The following NSUN7 variants were observed in gnomAD, a reference collection of about 807,000 sequenced individuals.
NSUN7 encodes NOP2/Sun RNA methyltransferase family member 7.
A neutral mutation model predicts 58.5 loss-of-function variants in NSUN7; 39 were observed. The ratio of observed to expected loss-of-function variants is 0.67; its 90% CI spans 0.52 to 0.87. NSUN7 has a LOEUF of 0.87. Among genes scored for constraint, NSUN7 ranks in the 40% least tolerant of loss-of-function variants. NSUN7 has a pLI of 0.00. For synonymous variants in NSUN7, 278 were observed against 303.7 expected, an observed-to-expected ratio of 0.92 and a Z score of 0.88; for missense variants, 765 against 844.1, an observed-to-expected ratio of 0.91 and a Z score of 1.16.
At chr4:40,785,549 T>G (rs1577571007) in intron 7 of NSUN7, among the ~76,000 whole-genome samples, 2 of 151,976 alleles carry the variant, frequency 1.3e-5, no homozygotes, top group South Asian at 2.1e-4. Context: ...TTAGTAGAGA[T>G]AGGGTTTCAC....
At chr4:40,784,730 T>C (rs1742728338) in intron 7 of NSUN7, among the ~76,000 whole-genome samples, 1 of 152,202 alleles carries the variant, frequency 6.6e-6, no homozygotes, top group African/African-American at 2.4e-5. Flanking sequence ...ACTTGGTGAA[T>C]GTACTCAAAA....
intron 10 of NSUN7, among the ~76,000 whole-genome samples, chr4:40,799,638 A>G (rs1743492205): frequency 6.6e-6 from 1 of 152,202 alleles, no homozygotes; most frequent in African/African-American, 2.4e-5. Flanking sequence ...TATTGGTTTG[A>G]GATTTGAGCT....
intron 10 of NSUN7, among the ~76,000 whole-genome samples, chr4:40,806,289 C>G (rs1743806452): frequency 6.6e-6 from 1 of 152,202 alleles, no homozygotes; most frequent in African/African-American, 2.4e-5. Context: ...GCCACGGCAC[C>G]TGGCCAGGAC....
At position 40,773,420 on chromosome 4, in the gene NSUN7, C is replaced by T. The variant is rs111242613; in HGVS notation, c.489-845C>T. Among the ~76,000 whole-genome samples the T allele has an allele frequency of 3.1e-3, 469 of 152,264 alleles. 4 individuals carry two copies. The highest frequency in any genetic ancestry group is 0.011 in the African/African-American group (446 of 41,568). The stretch of plus-strand genomic sequence containing the variant: ...TCTTTCGGCTGGGTGCGGTGGCTTA[C>T]GCCTGTAATCCCAGCACTTTGGGAG... On this transcript the variant is annotated intron_variant, in intron 4 of 11. Coordinates refer to ENST00000381782, the MANE Select transcript of NSUN7 (RefSeq NM_024677.6).
intron 7 of NSUN7, among the ~76,000 whole-genome samples, chr4:40,788,781 A>G (rs1222499930): frequency 6.6e-6 from 1 of 152,024 alleles, no homozygotes; most frequent in Admixed American, 6.6e-5. Flanking sequence ...TGTTGTGTGT[A>G]GGTTTGGGGG....
rs552861884 is a variant in NSUN7 at position 40,762,063 on chromosome 4, C to T, written c.488+762C>T. On this transcript the variant is annotated intron_variant, in intron 4 of 11. Coordinates refer to ENST00000381782, the MANE Select transcript of NSUN7 (RefSeq NM_024677.6). Reference sequence around the variant, plus strand: ...TAGATTAATGCTATTATAAAAAGGGCTTGTGAGATGGGTTTGCTCTCTTGT... The same window carrying T: ...TAGATTAATGCTATTATAAAAAGGGTTTGTGAGATGGGTTTGCTCTCTTGT... Among the ~76,000 whole-genome samples, 3 of 152,218 alleles carry T rather than the reference C, an allele frequency of 2.0e-5. No individual in the cohort carries two copies. The South Asian group carries it at 6.2e-4, about 32-fold the overall frequency.
In NSUN7 at chr4:40,755,128, C is replaced by T. The variant is rs544097763; in HGVS notation, c.298+4137C>T. On this transcript the variant is annotated intron_variant, in intron 2 of 11. Transcript: ENST00000381782. ...ATTTATTGATGGAGTCTTGCTCTGT[C>T]GCCCAGACTGGAGTGCAGTGGCGCG... Among the ~76,000 whole-genome samples the T allele has an allele frequency of 1.1e-4, 17 of 152,274 alleles. No homozygotes were observed. In the South Asian group the frequency reaches 1.2e-3, roughly 11 times the overall value.
intron 7 of NSUN7, among the ~76,000 whole-genome samples, chr4:40,780,234 C>T (rs147133169): frequency 0.016 from 2,386 of 152,126 alleles, 69 homozygotes; most frequent in African/African-American, 0.054. Context: ...GAGCTGAGAT[C>T]GCGCCACTGC....
chr4:40,754,154 T>C (rs1385317902), intron 2 of NSUN7, among the ~76,000 whole-genome samples: 1 of 151,756 alleles, frequency 6.6e-6, no homozygotes, highest in Non-Finnish European at 1.5e-5. Flanking sequence ...TCCTTTTTTT[T>C]TTTTTTTGAG....
chr4:40,800,656 T>A (rs1021404152), intron 10 of NSUN7, among the ~76,000 whole-genome samples: 3 of 152,210 alleles, frequency 2.0e-5, no homozygotes, highest in African/African-American at 7.2e-5. Flanking sequence ...CATTTTTGAA[T>A]AACTATATAT....
chr4:40,806,215 G>A (rs931727137), intron 10 of NSUN7, among the ~76,000 whole-genome samples: 1 of 152,058 alleles, frequency 6.6e-6, no homozygotes, highest in South Asian at 2.1e-4. Flanking sequence ...GGCTGGTCTC[G>A]AACTCCTGGC....
intron 2 of NSUN7, among the ~76,000 whole-genome samples, chr4:40,757,476 G>T (rs911301153): frequency 6.7e-6 from 1 of 149,972 alleles, no homozygotes; most frequent in African/African-American, 2.4e-5. Flanking sequence ...GTAAGGCAAG[G>T]AGCATCTGTA....
At position 40,751,002 on chromosome 4, in the gene NSUN7, C is replaced by T. The variant is rs1295514140; in HGVS notation, c.298+11C>T. The T allele has an allele frequency of 1.9e-6, 3 of 1,610,116 alleles. No individual in the cohort carries two copies. The highest frequency in any genetic ancestry group is 1.7e-5 in the Admixed American group (1 of 59,782). ...TCAGTGCCCTGAAATGTGAGTTGTG[C>T]CAGTCTGGAAGATCAACACTAAAAG... On this transcript the variant is annotated intron_variant, in intron 2 of 11. Coordinates refer to ENST00000381782, the MANE Select transcript of NSUN7 (RefSeq NM_024677.6).
intron 4 of NSUN7, among the ~76,000 whole-genome samples, chr4:40,773,552 G>A (rs1742111272): frequency 1.3e-5 from 2 of 151,756 alleles, no homozygotes; most frequent in East Asian, 2.0e-4. Context: ...GTGTGGTGGT[G>A]CACACCTGTA....
intron 2 of NSUN7, among the ~76,000 whole-genome samples, chr4:40,757,626 T>TAC (rs1183886425): frequency 2.1e-5 from 3 of 146,228 alleles, no homozygotes; most frequent in Non-Finnish European, 4.5e-5. Context: ...TGTATATATA[T>TAC]ATACATTGTG....
intron 7 of NSUN7, among the ~76,000 whole-genome samples, chr4:40,777,198 A>G (rs1322434310): frequency 3.9e-5 from 6 of 152,180 alleles, no homozygotes; most frequent in South Asian, 2.1e-4. Context: ...TTAATTCCCA[A>G]TTAGATTAAG....
intron 3 of NSUN7, among the ~76,000 whole-genome samples, 175 bp from the exon 4 acceptor site, chr4:40,760,996 G>GTT (rs142152476): frequency 7.4e-5 from 11 of 147,678 alleles, no homozygotes; most frequent in Admixed American, 2.7e-4. Context: ...TTTTGAAAGG[G>GTT]TTTTTTTTTT....
chr4:40,789,462 A>G (rs1442171469), intron 7 of NSUN7, among the ~76,000 whole-genome samples: 1 of 152,134 alleles, frequency 6.6e-6, no homozygotes, highest in Non-Finnish European at 1.5e-5. Context: ...GATATTTGAT[A>G]ATAATAAGGA....
intron 1 of NSUN7, 103 bp from the exon 2 acceptor site, chr4:40,750,500 C>G: frequency 1.8e-6 from 1 of 542,640 alleles, no homozygotes; most frequent in Non-Finnish European, 3.2e-6. Context: ...TCAGATGGGA[C>G]GGGAAATGCT....
Sources: gnomAD v4.1 joint callset for allele counts (sites outside exome capture counted in the v4.1 genomes callset) on GRCh38, gnomAD v4.1.1 for gene constraint, MANE v1.5 for transcripts, NCBI Gene and HGNC (gene_info 2026-07-23, HGNC 2026-07-21) for gene names.